The following FTO variants were observed in gnomAD, a reference collection of about 807,000 sequenced individuals.
The protein encoded by FTO is FTO alpha-ketoglutarate dependent dioxygenase.
In FTO, 47 loss-of-function variants were observed where a neutral mutation model predicts 63.9. The ratio of observed to expected loss-of-function variants is 0.74; its 90% CI spans 0.58 to 0.94. FTO has a LOEUF of 0.94. FTO is among the 40% of genes least tolerant of loss of function. FTO has a pLI of 0.00. For synonymous variants in FTO, 207 were observed against 224.4 expected (o/e 0.92, Z 0.69); for missense variants, 562 against 618.1 (o/e 0.91, Z 0.96).
At chr16:54,096,910 C>T (rs1388145771) in intron 8 of FTO, among the ~76,000 whole-genome samples, 4 of 152,112 alleles carry the variant, frequency 2.6e-5, no homozygotes, top group East Asian at 1.9e-4. Context: ...ACATTTAGTC[C>T]GTAACAGATG....
At chr16:54,013,159 G>A (rs1232007913) in intron 8 of FTO, among the ~76,000 whole-genome samples, 1 of 152,202 alleles carries the variant, frequency 6.6e-6, no homozygotes, top group African/African-American at 2.4e-5. Context: ...ATTAACAGGA[G>A]TTTGGGAGAA....
At chr16:53,892,551 T>C (rs1473039218) in intron 7 of FTO, among the ~76,000 whole-genome samples, 1 of 152,342 alleles carries the variant, frequency 6.6e-6, no homozygotes, top group Admixed American at 6.5e-5. Context: ...TCAAAATTAT[T>C]ATCATTTTAG....
At chr16:53,816,224 G>C (rs1039864901) in intron 2 of FTO, among the ~76,000 whole-genome samples, 18 of 152,110 alleles carry the variant, frequency 1.2e-4, no homozygotes, top group African/African-American at 4.1e-4. Flanking sequence ...AAATCTGACT[G>C]CTTCTCACCA....
chr16:54,021,457 CA>C (rs2084597462), intron 8 of FTO, among the ~76,000 whole-genome samples: 1 of 149,906 alleles, frequency 6.7e-6, no homozygotes, highest in South Asian at 2.2e-4. Flanking sequence ...ATGGCCTTTA[CA>C]AGGAATTTTT....
At chr16:54,010,948 G>C (rs1346004907) in intron 8 of FTO, among the ~76,000 whole-genome samples, 1 of 152,198 alleles carries the variant, frequency 6.6e-6, no homozygotes, top group African/African-American at 2.4e-5. Context: ...CCGAAAGTAA[G>C]TGATATCTAT....
Position 53,709,260 on chromosome 16 carries a change from C to T in FTO, c.45+5031C>T, listed in dbSNP as rs142928824. On this transcript the variant is annotated intron_variant, in intron 1 of 8. Coordinates refer to ENST00000471389, the MANE Select transcript of FTO (RefSeq NM_001080432.3). ...GAAGGTTGGACCACATAGCTTTCTA[C>T]GATTAACATTTATTTAATTTGTGTT... Among the ~76,000 whole-genome samples, 308 of 152,266 alleles carry T rather than the reference C, an allele frequency of 2.0e-3. 2 individuals carry two copies. The highest frequency in any genetic ancestry group is 6.9e-3 in the African/African-American group (285 of 41,540).
chr16:53,725,266 T>G (rs1294558676), intron 1 of FTO, among the ~76,000 whole-genome samples: 1 of 152,242 alleles, frequency 6.6e-6, no homozygotes. Flanking sequence ...TCAGTCTTTG[T>G]GATTTTATGT....
intron 8 of FTO, among the ~76,000 whole-genome samples, chr16:54,085,203 G>A (rs1373572254): frequency 1.3e-5 from 2 of 152,338 alleles, no homozygotes; most frequent in East Asian, 1.9e-4. Flanking sequence ...AGAACTCTCA[G>A]TGGACCTTGC....
chr16:53,812,142 G>A (rs531162460), intron 2 of FTO, among the ~76,000 whole-genome samples: 22 of 152,174 alleles, frequency 1.4e-4, no homozygotes, highest in Non-Finnish European at 3.1e-4. Context: ...GAACTTCTGT[G>A]TTACCTGTTA....
chr16:53,974,591 T>C (rs566867946), intron 8 of FTO, among the ~76,000 whole-genome samples: 1 of 152,206 alleles, frequency 6.6e-6, no homozygotes, highest in African/African-American at 2.4e-5. Flanking sequence ...GGAGCTGAAG[T>C]CCAAGGTACA....
chr16:54,113,070 T>C lies in FTO; in HGVS notation c.*1155T>C, dbSNP rs2086923525. The stretch of plus-strand genomic sequence containing the variant: ...GTCCTAAGGTGAACATTAAGTGAGA[T>C]GATTCTAGTTACAGACTTAGAACAA... On this transcript the variant is annotated 3_prime_UTR_variant, in exon 9 of 9. Transcript: ENST00000471389. The C allele has an allele frequency of 6.6e-6, 1 of 152,208 alleles. No individual in the cohort carries two copies. The highest frequency in any genetic ancestry group is 2.1e-4 in the South Asian group (1 of 4,820). The allele number at this position is 152,208 out of a possible 1,614,324, so 9.4% of individuals were successfully genotyped here. A position where few individuals can be genotyped will look rare whatever the true frequency, so the allele number is the denominator to read the frequency against.
intron 8 of FTO, among the ~76,000 whole-genome samples, chr16:53,985,774 G>A (rs12324955): frequency 0.31 from 47,694 of 152,074 alleles, 8,567 homozygotes; most frequent in African/African-American, 0.49. Flanking sequence ...CATTTCCTGA[G>A]TAAAATGAAA....
chr16:54,035,363 G>A (rs1401783647), intron 8 of FTO, among the ~76,000 whole-genome samples: 1 of 152,212 alleles, frequency 6.6e-6, no homozygotes, highest in Non-Finnish European at 1.5e-5. Flanking sequence ...AGGGCAACAT[G>A]CGGAGTATCT....
chr16:53,953,056 G>A (rs1384277607), intron 8 of FTO, among the ~76,000 whole-genome samples: 1 of 152,160 alleles, frequency 6.6e-6, no homozygotes, highest in Admixed American at 6.5e-5. Context: ...CCCTCCCCAC[G>A]GGCCTAGAGT....
intron 8 of FTO, among the ~76,000 whole-genome samples, chr16:53,965,095 A>C (rs8046411): frequency 0.57 from 86,658 of 151,944 alleles, 25,043 homozygotes; most frequent in East Asian, 0.75. Flanking sequence ...TTGTTTTGAG[A>C]TGGAGTCTCC....
Position 53,870,699 on chromosome 16 carries a change from C to T in FTO, c.896-3087C>T, listed in dbSNP as rs146095908. On this transcript the variant is annotated intron_variant, in intron 4 of 8. Transcript: ENST00000471389. The stretch of plus-strand genomic sequence containing the variant: ...TTTTACGTCTGCATATGTTATAAAC[C>T]TCAGAATACATTGTTATTATTTTGG... Among the ~76,000 whole-genome samples, 757 of 152,164 alleles carry T rather than the reference C, an allele frequency of 5.0e-3. 1 individual carries two copies. Among genetic ancestry groups the T allele is most frequent in the Non-Finnish European group, 7.7e-3 (521 of 68,006 alleles).
intron 1 of FTO, among the ~76,000 whole-genome samples, chr16:53,775,808 C>T (rs531187504): frequency 6.6e-6 from 1 of 152,142 alleles, no homozygotes; most frequent in East Asian, 1.9e-4. Flanking sequence ...TTTGTTTATT[C>T]CTTTGATCAC....
At chr16:54,038,706 C>A (rs1443291410) in intron 8 of FTO, among the ~76,000 whole-genome samples, 2 of 152,194 alleles carry the variant, frequency 1.3e-5, no homozygotes, top group African/African-American at 4.8e-5. Flanking sequence ...CCTGGCACCT[C>A]TCCCCTCTCT....
chr16:54,078,936 CAG>C (rs1402502722), intron 8 of FTO, among the ~76,000 whole-genome samples: 9 of 151,940 alleles, frequency 5.9e-5, no homozygotes, highest in African/African-American at 2.2e-4. Flanking sequence ...ATAAACTACT[CAG>C]TGTAATATTT....
Sources: gnomAD v4.1 joint callset for allele counts (sites outside exome capture counted in the v4.1 genomes callset) on GRCh38, gnomAD v4.1.1 for gene constraint, MANE v1.5 for transcripts, NCBI Gene and HGNC (gene_info 2026-07-23, HGNC 2026-07-21) for gene names.